The following DNAH17 variants were observed in gnomAD, a reference collection of about 807,000 sequenced individuals.
DNAH17 encodes the protein dynein axonemal heavy chain 17.
DNAH17 carries 376 observed loss-of-function variants against 485.6 expected under a neutral mutation model. The observed-to-expected ratio is 0.77, with a 90% CI of 0.71 to 0.84. The LOEUF (loss-of-function observed/expected upper bound fraction) is 0.84, where lower values mean the gene tolerates loss of function less well. Among genes scored for constraint, DNAH17 ranks in the 40% least tolerant of loss-of-function variants. The pLI, the probability that DNAH17 is intolerant of heterozygous loss-of-function variation, is 0.00. For missense variants in DNAH17, 6,370 were observed against 5,839.3 expected (o/e 1.09, Z -2.96); for synonymous variants, 3,031 against 2,405.9 (o/e 1.26, Z -7.60).
chr17:78,505,191 C>T, intron 31 of DNAH17, 102 bp downstream of exon 31: 1 of 1,490,584 alleles, frequency 6.7e-7, no homozygotes, highest in Non-Finnish European at 9.1e-7. Context: ...GGCAGCTGCA[C>T]AGGGTGCTGG....
At chr17:78,531,273 A>G (rs948474539) in intron 20 of DNAH17, among the ~76,000 whole-genome samples, 2 of 149,108 alleles carry the variant, frequency 1.3e-5, no homozygotes, top group African/African-American at 5.0e-5. Flanking sequence ...CGCTGAGTTG[A>G]TCCTTTTGTC....
chr17:78,441,713 A>G (rs2087083495), intron 71 of DNAH17, among the ~76,000 whole-genome samples: 1 of 152,110 alleles, frequency 6.6e-6, no homozygotes, highest in Non-Finnish European at 1.5e-5. Flanking sequence ...CGGTCTTTGG[A>G]TCAGGTGTTG....
chr17:78,564,238 A>T (rs1018566935), intron 11 of DNAH17, among the ~76,000 whole-genome samples: 4 of 152,014 alleles, frequency 2.6e-5, no homozygotes, highest in Non-Finnish European at 5.9e-5. Context: ...TTCAGCCCAG[A>T]CCCGTACGCT....
chr17:78,565,545 T>G (rs1336399105), intron 11 of DNAH17, among the ~76,000 whole-genome samples: 1 of 152,214 alleles, frequency 6.6e-6, no homozygotes, highest in Non-Finnish European at 1.5e-5. Flanking sequence ...CCAACCCAAT[T>G]GCCTTCACAG....
rs774191103 is a variant in DNAH17 at position 78,502,934 on chromosome 17, G to C, written c.5034C>G (p.Thr1678=). The change falls in exon 32 of 81, where the codon ACC becomes ACG. Residue 1678 remains threonine (T), a synonymous_variant. Coordinates refer to ENST00000389840, the MANE Select transcript of DNAH17 (RefSeq NM_173628.4). ...ACTGCTCCCTCGGCTTCTCTTCGTAGGTCACCACGGCCTCTGGGATTTCGT... is the reference window on the plus strand; with the variant it reads ...ACTGCTCCCTCGGCTTCTCTTCGTACGTCACCACGGCCTCTGGGATTTCGT... ...LRHEIPEAVV[T]YEEKPREQWI... is the part of the protein sequence containing the mutation. The C allele has an allele frequency of 6.2e-7, 1 of 1,613,978 alleles. No individual in the cohort carries two copies. The highest frequency in any genetic ancestry group is 8.5e-7 in the Non-Finnish European group (1 of 1,179,920).
Position 78,492,737 on chromosome 17 carries a change from T to C in DNAH17, c.6437A>G (p.Gln2146Arg), listed in dbSNP as rs747588249. ...QVLKSLNKTY[Q>R]NLKRKPVAVD... The stretch of plus-strand genomic sequence containing the variant: ...GGCGACCGGCTTCCTCTTCAGGTTC[T>C]GATAGGTCTTGTTGAGGGATTTGAG... Residue 2146 changes from glutamine to arginine, a missense_variant, in exon 42 of 81, where the codon CAG becomes CGG. Coordinates refer to ENST00000389840, the MANE Select transcript of DNAH17 (RefSeq NM_173628.4). The C allele has an allele frequency of 1.2e-5, 20 of 1,612,482 alleles. No homozygotes were observed. The highest frequency in any genetic ancestry group is 3.3e-5 in the Admixed American group (2 of 59,836).
intron 37 of DNAH17, among the ~76,000 whole-genome samples, chr17:78,496,408 T>G (rs1416985241): frequency 7.0e-6 from 1 of 143,336 alleles, no homozygotes; most frequent in African/African-American, 2.6e-5. Flanking sequence ...CTCTGCCCCA[T>G]GTAGCCTGAT....
At chr17:78,522,546 C>A in intron 25 of DNAH17, 1 of 305,626 alleles carries the variant, frequency 3.3e-6, no homozygotes, top group South Asian at 3.0e-5. Context: ...GCCCCTAAGT[C>A]ACACCCATGT....
Position 78,561,923 on chromosome 17 carries a change from G to A in DNAH17, c.1627C>T (p.Pro543Ser), listed in dbSNP as rs2092165067. ...AGCTCCAGCATGACTGAATACCTGG[G>A]CGCCACCTCGGCAAGAATCAGGGGC... ...ERPLILAEVA[P>S]RYSVMLELFD... The change falls in exon 12 of 81, where the codon CCC becomes TCC. Residue 543 changes from proline to serine, a missense_variant. Transcript: ENST00000389840. 2.5e-6 allele frequency: 4 copies of A among 1,613,474 alleles called. No homozygotes were observed. Among genetic ancestry groups the A allele is most frequent in the South Asian group, 2.2e-5 (2 of 91,070 alleles).
rs1247998640 is a variant in DNAH17 at position 78,567,186 on chromosome 17, CA to C, written c.1285-21del. 3 of 1,578,954 alleles carry C rather than the reference CA, an allele frequency of 1.9e-6. No individual in the cohort carries two copies. Among genetic ancestry groups the C allele is most frequent in the Non-Finnish European group, 2.6e-6 (3 of 1,162,260 alleles). On this transcript the variant is annotated intron_variant, in intron 9 of 80. Transcript: ENST00000389840. ...GAGTTCCTAGTGGAGGAGAAAAACACAGTCAATTCATCTTCACAACCCAACT... is the reference window on the plus strand; with the variant it reads ...GAGTTCCTAGTGGAGGAGAAAAACACGTCAATTCATCTTCACAACCCAACT...
chr17:78,476,850 TG>T (rs1034626976), intron 51 of DNAH17, 117 bp from the exon 52 acceptor site: 1 of 1,255,992 alleles, frequency 8.0e-7, no homozygotes, highest in African/African-American at 1.5e-5. Flanking sequence ...CCTGTTCAGC[TG>T]TTGGCACAGC....
At position 78,458,671 on chromosome 17, in the gene DNAH17, C is replaced by T. The variant is rs144021469; in HGVS notation, c.9871G>A (p.Ala3291Thr). ...RIKNKIAELN[A>T]NLSNLTSAFE... ...GCTGAGGTTAGGTTGCTCAGGTTGG[C>T]GTTAAGTTCCTGCAAAACCAAGTTG... The change falls in exon 62 of 81, where the codon GCC (alanine) becomes ACC (threonine). Residue 3291 changes from alanine to threonine, a missense_variant. Ala to Thr is a moderately conservative substitution (Grantham distance 58, BLOSUM62 0). Transcript: ENST00000389840. The T allele has an allele frequency of 4.8e-5, 77 of 1,613,842 alleles. No individual in the cohort carries two copies. Among genetic ancestry groups the T allele is most frequent in the Middle Eastern group, 1.6e-4 (1 of 6,084 alleles).
rs1179679701 is a variant in DNAH17 at position 78,507,815 on chromosome 17, G to A, written c.4237-10C>T. The A allele has an allele frequency of 2.6e-6, 4 of 1,537,434 alleles. No individual in the cohort carries two copies. The highest frequency in any genetic ancestry group is 1.2e-5 in the South Asian group (1 of 84,462). On this transcript the variant is annotated splice_polypyrimidine_tract_variant and intron_variant, in intron 27 of 80. Coordinates refer to ENST00000389840, the MANE Select transcript of DNAH17 (RefSeq NM_173628.4). ...CCAGGGCTTTCAGCACCTTTTGGGG[G>A]AACAGAAAAATAAGGTCACTGAGCA...
At chr17:78,545,312 G>A (rs776448225) in intron 16 of DNAH17, among the ~76,000 whole-genome samples, 21 of 152,120 alleles carry the variant, frequency 1.4e-4, no homozygotes, top group Admixed American at 5.2e-4. Context: ...TCAGAAAAAC[G>A]CGTTCTGTAT....
intron 14 of DNAH17, 137 bp downstream of exon 14, chr17:78,557,971 G>C: frequency 4.5e-6 from 5 of 1,108,256 alleles, no homozygotes; most frequent in Non-Finnish European, 6.3e-6. Flanking sequence ...TAAGTATGCA[G>C]TGAATGGAAG....
chr17:78,569,879 G>A (rs1053706000), intron 7 of DNAH17, among the ~76,000 whole-genome samples: 1 of 152,234 alleles, frequency 6.6e-6, no homozygotes, highest in African/African-American at 2.4e-5. Context: ...CGCCATGGCT[G>A]GCTAGCAGGT....
At chr17:78,506,400 G>A (rs2090486085) in intron 30 of DNAH17, among the ~76,000 whole-genome samples, 1 of 152,146 alleles carries the variant, frequency 6.6e-6, no homozygotes, top group Admixed American at 6.5e-5. Flanking sequence ...GACCCACTGA[G>A]AGGTGTGTCT....
Position 78,476,674 on chromosome 17 carries a change from C to G in DNAH17, c.8052G>C (p.Trp2684Cys). The G allele has an allele frequency of 6.2e-7, 1 of 1,613,084 alleles. No homozygotes were observed. The highest frequency in any genetic ancestry group is 2.2e-5 in the East Asian group (1 of 44,880). The part of the protein sequence containing the change: ...LKTPLDLVRL[W>C]LHETERVYGD... ...CATACACTCGTTCAGTCTCATGTAG[C>G]CAAAGGCGGACGAGGTCCAGTGGGG... Residue 2684 changes from tryptophan (W) to cysteine (C), a missense_variant, in exon 52 of 81, where the codon TGG becomes TGC. By Grantham distance (215) the Trp-to-Cys change is radical. Transcript: ENST00000389840.
At position 78,514,896 on chromosome 17, in the gene DNAH17, C is replaced by T. The variant is rs974854154; in HGVS notation, c.3991G>A (p.Asp1331Asn). ...RSLDKEMKTW[D>N]AFVGLDNTVK... ...GTGTTGTCGAGCCCCACGAAGGCAT[C>T]CCAGGTTTTCATCTCCTTGTCCAAA... Residue 1331 changes from aspartate to asparagine, a missense_variant, in exon 26 of 81, where the codon GAT (aspartate) becomes AAT (asparagine). Coordinates refer to ENST00000389840, the MANE Select transcript of DNAH17 (RefSeq NM_173628.4). 6.2e-7 allele frequency: 1 copy of T among 1,613,942 alleles called. No individual in the cohort carries two copies. Among genetic ancestry groups the T allele is most frequent in the African/African-American group, 1.3e-5 (1 of 74,934 alleles).
Sources: gnomAD v4.1 joint callset for allele counts (sites outside exome capture counted in the v4.1 genomes callset) on GRCh38, gnomAD v4.1.1 for gene constraint, MANE v1.5 for transcripts, NCBI Gene and HGNC (gene_info 2026-07-23, HGNC 2026-07-21) for gene names.